KMT2C: variants seen among roughly 807,000 people sequenced by gnomAD.
KMT2C encodes histone-lysine N-methyltransferase 2C.
In KMT2C, 88 loss-of-function variants were observed where a neutral mutation model predicts 507.9. The observed-to-expected ratio is 0.17, with a 90% CI of 0.15 to 0.21. The LOEUF is 0.21. KMT2C is among the 10% of genes least tolerant of loss of function. The pLI is 1.00. For synonymous variants in KMT2C, 2,049 were observed against 2,080.8 expected (o/e 0.98, Z 0.42); for missense variants, 4,954 against 5,957.8 (o/e 0.83, Z 5.55).
chr7:152,398,876 G>A (rs1179057513), intron 1 of KMT2C, among the ~76,000 whole-genome samples: 1 of 152,164 alleles, frequency 6.6e-6, no homozygotes, highest in Non-Finnish European at 1.5e-5. Context: ...CACCCAGGCT[G>A]GAGTGCAACA....
intron 1 of KMT2C, among the ~76,000 whole-genome samples, chr7:152,431,925 C>T (rs2097865878): frequency 6.6e-6 from 1 of 152,170 alleles, no homozygotes; most frequent in Non-Finnish European, 1.5e-5. Context: ...GTACAGTTTT[C>T]TATCACTTAT....
At chr7:152,170,160 C>A (rs1193963884) in intron 40 of KMT2C, among the ~76,000 whole-genome samples, 1 of 152,180 alleles carries the variant, frequency 6.6e-6, no homozygotes, top group Non-Finnish European at 1.5e-5. Flanking sequence ...CCCAAAGTTG[C>A]ACAGTAAATT....
rs747954521 is a variant in KMT2C, at chr7:152,162,329, C to T, written c.11248G>A (p.Ala3750Thr). ...NGSKVEGNAV[A>T]CPVSSAQSPP... ...CTCTGTGCTGAGGAGACAGGACAGG[C>T]TACAGCGTTTCCTTCTACCTTACTA... Residue 3750 changes from alanine to threonine, a missense_variant, in exon 43 of 59, where the codon GCC becomes ACC. Physicochemically the swap from Ala to Thr is moderately conservative, Grantham distance 58. This residue lies in a region of KMT2C where 801 missense variants were observed against 751.2 expected (regional missense o/e 1.07). Coordinates refer to ENST00000262189, the MANE Select transcript of KMT2C (RefSeq NM_170606.3). 5.6e-6 allele frequency: 9 copies of T among 1,614,098 alleles called. No individual in the cohort carries two copies. The South Asian group carries it at 7.7e-5, about 14-fold the overall frequency.
chr7:152,211,650 A>G (rs1312993813), intron 23 of KMT2C, among the ~76,000 whole-genome samples: 2 of 152,274 alleles, frequency 1.3e-5, no homozygotes, highest in Non-Finnish European at 1.5e-5. Context: ...GGCATAAAGT[A>G]GCACATACAG....
intron 6 of KMT2C, among the ~76,000 whole-genome samples, chr7:152,300,111 T>C (rs1462464016): frequency 1.3e-5 from 2 of 152,190 alleles, no homozygotes; most frequent in Non-Finnish European, 2.9e-5. Flanking sequence ...TAATTCAATG[T>C]TATATACTAT....
intron 43 of KMT2C, among the ~76,000 whole-genome samples, chr7:152,159,393 C>G (rs1241408660): frequency 6.6e-6 from 1 of 152,196 alleles, no homozygotes; most frequent in African/African-American, 2.4e-5. Context: ...TTCCTGCTTA[C>G]TTACTGCAGA....
chr7:152,269,488 T>C (rs1383146972), intron 7 of KMT2C, among the ~76,000 whole-genome samples: 1 of 152,150 alleles, frequency 6.6e-6, no homozygotes, highest in Non-Finnish European at 1.5e-5. Context: ...AAATTAAATA[T>C]GAATATTTAG....
At chr7:152,414,018 T>C (rs2116689899) in intron 1 of KMT2C, among the ~76,000 whole-genome samples, 1 of 152,058 alleles carries the variant, frequency 6.6e-6, no homozygotes, top group South Asian at 2.1e-4. Context: ...GAGACCAGCC[T>C]GACCAACATG....
At chr7:152,319,685 T>C (rs915800609) in intron 3 of KMT2C, among the ~76,000 whole-genome samples, 1 of 152,108 alleles carries the variant, frequency 6.6e-6, no homozygotes, top group African/African-American at 2.4e-5. Context: ...TGTGATGCCG[T>C]GCTGCAGTGG....
intron 2 of KMT2C, among the ~76,000 whole-genome samples, chr7:152,358,291 G>T (rs1456300873): frequency 6.6e-6 from 1 of 151,940 alleles, no homozygotes; most frequent in Non-Finnish European, 1.5e-5. Context: ...TATACTATGA[G>T]CGATTATACT....
At chr7:152,207,749 C>A (rs2094347331) in intron 23 of KMT2C, among the ~76,000 whole-genome samples, 1 of 152,144 alleles carries the variant, frequency 6.6e-6, no homozygotes, top group South Asian at 2.1e-4. Context: ...TAGACTAGAA[C>A]TCTCTTCTGA....
chr7:152,272,330 T>TAGAA (rs1360933839), intron 7 of KMT2C, among the ~76,000 whole-genome samples: 1 of 152,208 alleles, frequency 6.6e-6, no homozygotes. Flanking sequence ...AGTAATAAAA[T>TAGAA]ATTCTAACAC....
At chr7:152,158,660 C>T (rs546896908) in intron 44 of KMT2C, among the ~76,000 whole-genome samples, 5 of 151,962 alleles carry the variant, frequency 3.3e-5, no homozygotes, top group Non-Finnish European at 5.9e-5. Flanking sequence ...GAATTACAGG[C>T]GTGTACCACC....
chr7:152,272,667 G>A (rs1211443549), intron 7 of KMT2C, among the ~76,000 whole-genome samples: 3 of 152,068 alleles, frequency 2.0e-5, no homozygotes, highest in African/African-American at 7.2e-5. Flanking sequence ...TAAAATTCTA[G>A]TTTGCCTTAC....
Position 152,146,634 on chromosome 7 carries a change from G to A in KMT2C, c.13996C>T (p.Leu4666=). The change falls in exon 53 of 59, where the codon CTG becomes TTG. Residue 4666 remains leucine (L), a synonymous_variant. Coordinates refer to ENST00000262189, the MANE Select transcript of KMT2C (RefSeq NM_170606.3). ...AYLKGEDLFG[L]TVSAVARIAE... is the part of the protein sequence containing the mutation. ...ATGCGTGCCACTGCAGAGACGGTCA[G>A]GCCAAACAGATCCTCTCCTTTTAAA... The A allele has an allele frequency of 2.5e-6, 4 of 1,614,176 alleles. No homozygotes were observed. Among genetic ancestry groups the A allele is most frequent in the Non-Finnish European group, 8.5e-7 (1 of 1,180,012 alleles).
At position 152,248,621 on chromosome 7, in the gene KMT2C, C is replaced by G. The variant is rs2095514356; in HGVS notation, c.1814-1G>C. The stretch of plus-strand genomic sequence containing the variant: ...GTATTCACTGTATGTTGGGATGATA[C>G]TACAAAATTCAGAACATTTGTTATG... On this transcript the variant is annotated splice_acceptor_variant, in intron 13 of 58. Transcript: ENST00000262189. LOFTEE classifies it high-confidence loss of function. The G allele has an allele frequency of 6.3e-7, 1 of 1,580,024 alleles. No homozygotes were observed. Among genetic ancestry groups the G allele is most frequent in the Non-Finnish European group, 8.7e-7 (1 of 1,155,960 alleles).
At chr7:152,268,628 G>A (rs978402057) in intron 7 of KMT2C, among the ~76,000 whole-genome samples, 9 of 152,086 alleles carry the variant, frequency 5.9e-5, no homozygotes, top group African/African-American at 1.9e-4. Flanking sequence ...GGACATAACT[G>A]GGATGTTATG....
intron 24 of KMT2C, among the ~76,000 whole-genome samples, chr7:152,205,734 C>T (rs2094290070): frequency 1.3e-5 from 2 of 152,128 alleles, no homozygotes; most frequent in Admixed American, 6.5e-5. Flanking sequence ...ACCATACAGC[C>T]TAAATGTGTA....
rs760869712 is a variant in KMT2C at position 152,358,600 on chromosome 7, CGTTTCT to C, written c.231_236del (p.Glu78_Thr79del). ...GAGTTCTGATACCTGTTTCCACAAT[CGTTTCT>C]GTTTCTGTTGTCTCCAGCCCATCCA... On this transcript the variant is annotated inframe_deletion, in exon 2 of 59. Coordinates refer to ENST00000262189, the MANE Select transcript of KMT2C (RefSeq NM_170606.3). 2 of 1,606,576 alleles carry C rather than the reference CGTTTCT, an allele frequency of 1.2e-6. No individual in the cohort carries two copies. The highest frequency in any genetic ancestry group is 1.7e-6 in the Non-Finnish European group (2 of 1,174,262).
Sources: gnomAD v4.1 joint callset for allele counts (sites outside exome capture counted in the v4.1 genomes callset) on GRCh38, gnomAD v4.1.1 for gene constraint, gnomAD v4.1.1 regional missense constraint, MANE v1.5 for transcripts, NCBI Gene and HGNC (gene_info 2026-07-23, HGNC 2026-07-21) for gene names.